Variants in CACNA2D3 observed in about 807,000 individuals in gnomAD.
CACNA2D3 encodes calcium voltage-gated channel auxiliary subunit alpha2delta 3, also known as voltage-dependent calcium channel subunit alpha-2/delta-3.
CACNA2D3 carries 60 observed loss-of-function variants against 160.6 expected under a neutral mutation model. That is an observed-to-expected ratio of 0.37 (90% confidence interval 0.30 to 0.46). The LOEUF is 0.46. Ranked by LOEUF, CACNA2D3 falls within the 20% of genes least tolerant of loss-of-function variation. CACNA2D3 has a pLI of 1.00. For synonymous variants in CACNA2D3, 558 were observed against 492.9 expected (o/e 1.13, Z -1.75); for missense variants, 1,205 against 1,365.0 (o/e 0.88, Z 1.85).
At chr3:54,280,908 A>G (rs1193162118) in intron 2 of CACNA2D3, among the ~76,000 whole-genome samples, 1 of 152,104 alleles carries the variant, frequency 6.6e-6, no homozygotes, top group Admixed American at 6.5e-5. Flanking sequence ...CACACACTCC[A>G]TACTTCCCTT....
rs78008535 is a variant in CACNA2D3, at chr3:54,132,287, C to A, written c.204+8693C>A. On this transcript the variant is annotated intron_variant, in intron 2 of 37. Coordinates refer to ENST00000474759, the MANE Select transcript of CACNA2D3 (RefSeq NM_018398.3). ...TCATTTGCTTTTATAATACGAAATT[C>A]GCACACCAACTCAGACAACACACTT... is the stretch of plus-strand genomic sequence containing the variant. Among the ~76,000 whole-genome samples, 763 of 152,314 alleles carry A rather than the reference C, an allele frequency of 5.0e-3. 41 individuals are homozygous for A. In the East Asian group the frequency reaches 0.12, roughly 23 times the overall value.
At chr3:54,955,123 T>A (rs1214425003) in intron 27 of CACNA2D3, among the ~76,000 whole-genome samples, 1 of 152,100 alleles carries the variant, frequency 6.6e-6, no homozygotes, top group Non-Finnish European at 1.5e-5. Context: ...TGGGGAATCG[T>A]AGGAGAATGA....
chr3:54,391,221 A>C (rs991167223), intron 4 of CACNA2D3, among the ~76,000 whole-genome samples: 4 of 152,238 alleles, frequency 2.6e-5, no homozygotes, highest in African/African-American at 9.6e-5. Context: ...AAAGAAAGTT[A>C]CAACTCCTTT....
At chr3:54,473,481 G>A (rs958416872) in intron 4 of CACNA2D3, among the ~76,000 whole-genome samples, 13 of 151,968 alleles carry the variant, frequency 8.6e-5, no homozygotes, top group Admixed American at 3.3e-4. Flanking sequence ...GGGCAAAGAC[G>A]TCATGACTAA....
chr3:54,139,378 C>T (rs774705186), intron 2 of CACNA2D3, among the ~76,000 whole-genome samples: 2 of 152,246 alleles, frequency 1.3e-5, no homozygotes, highest in African/African-American at 2.4e-5. Flanking sequence ...CGCCTGCCCA[C>T]GCTCTGCAGA....
At chr3:54,668,680 G>A (rs568151309) in intron 11 of CACNA2D3, among the ~76,000 whole-genome samples, 10 of 152,340 alleles carry the variant, frequency 6.6e-5, no homozygotes, top group Admixed American at 1.3e-4. Context: ...TGCCGTAGTG[G>A]TAGATGGGTT....
chr3:54,581,563 T>G (rs1227639314), intron 8 of CACNA2D3, among the ~76,000 whole-genome samples: 1 of 152,168 alleles, frequency 6.6e-6, no homozygotes, highest in Non-Finnish European at 1.5e-5. Context: ...CCCTGAACCC[T>G]GCCAGCTACC....
chr3:54,603,726 C>G (rs138513865), intron 9 of CACNA2D3, among the ~76,000 whole-genome samples: 10 of 152,102 alleles, frequency 6.6e-5, no homozygotes, highest in African/African-American at 1.9e-4. Flanking sequence ...TTAAAAAGCC[C>G]GACAATTTCT....
chr3:54,267,196 C>A (rs1260373458), intron 2 of CACNA2D3, among the ~76,000 whole-genome samples: 1 of 152,126 alleles, frequency 6.6e-6, no homozygotes, highest in African/African-American at 2.4e-5. Flanking sequence ...TTTGTGTACT[C>A]ATTTGTACTC....
At position 54,975,683 on chromosome 3, in the gene CACNA2D3, T is replaced by C. The variant is rs576886910; in HGVS notation, c.2556+5839T>C. Reference sequence around the variant, plus strand: ...CAATCTTACCAAAATGAGTGGTTCATTAAGTATATTTTTAGACTCTAGCCT... The same window carrying C: ...CAATCTTACCAAAATGAGTGGTTCACTAAGTATATTTTTAGACTCTAGCCT... On this transcript the variant is annotated intron_variant, in intron 29 of 37. Transcript: ENST00000474759. 3.5e-3 allele frequency among the ~76,000 whole-genome samples: 538 copies of C among 152,302 alleles called. 2 individuals carry two copies. The highest frequency in any genetic ancestry group is 4.9e-3 in the Non-Finnish European group (330 of 68,028).
At chr3:54,230,710 T>C (rs1360998050) in intron 2 of CACNA2D3, among the ~76,000 whole-genome samples, 2 of 152,230 alleles carry the variant, frequency 1.3e-5, no homozygotes, top group Non-Finnish European at 2.9e-5. Context: ...CACAGTCTTA[T>C]AAAATTCCTT....
chr3:54,857,300 G>T, intron 17 of CACNA2D3, among the ~76,000 whole-genome samples: 1 of 152,168 alleles, frequency 6.6e-6, no homozygotes, highest in Non-Finnish European at 1.5e-5. Context: ...TGAAGTCGTT[G>T]CTGGTACTGC....
chr3:54,760,919 G>A (rs1046560142), intron 12 of CACNA2D3, among the ~76,000 whole-genome samples: 2 of 152,080 alleles, frequency 1.3e-5, no homozygotes, highest in Non-Finnish European at 2.9e-5. Context: ...CCCTGTGGAG[G>A]TGTCGGGTAT....
intron 31 of CACNA2D3, among the ~76,000 whole-genome samples, chr3:55,003,687 G>C (rs942752973): frequency 6.6e-6 from 1 of 152,196 alleles, no homozygotes; most frequent in African/African-American, 2.4e-5. Context: ...AATGGAAATT[G>C]AATGGGATGG....
intron 4 of CACNA2D3, among the ~76,000 whole-genome samples, chr3:54,445,812 C>T (rs1156840935): frequency 6.6e-6 from 1 of 152,166 alleles, no homozygotes; most frequent in Non-Finnish European, 1.5e-5. Context: ...CAGTTCTGTG[C>T]TTATGCGGTT....
chr3:54,534,710 C>G (rs1701860307), intron 5 of CACNA2D3, among the ~76,000 whole-genome samples: 1 of 151,976 alleles, frequency 6.6e-6, no homozygotes, highest in Non-Finnish European at 1.5e-5. Context: ...ATTGCTTGAG[C>G]CCAGGAGTTA....
At chr3:54,667,947 CAA>C (rs35673145) in intron 11 of CACNA2D3, among the ~76,000 whole-genome samples, 103,743 of 143,684 alleles carry the variant, frequency 0.72, 40,765 homozygotes, top group Non-Finnish European at 0.88. Context: ...ACCCCCATCT[CAA>C]AAAAAAAAAA....
At position 55,015,106 on chromosome 3, in the gene CACNA2D3, T is replaced by C. The variant is rs1437997674; in HGVS notation, c.2876-3100T>C. 4.6e-5 allele frequency among the ~76,000 whole-genome samples: 7 copies of C among 152,314 alleles called. No individual in the cohort carries two copies. In the East Asian group the frequency reaches 9.7e-4, roughly 21 times the overall value. Reference sequence around the variant, plus strand: ...AGTATTGGACTCATTCCATTGTAACTGGGCCCAGACAATTAGAATTAGAGA... The same window carrying C: ...AGTATTGGACTCATTCCATTGTAACCGGGCCCAGACAATTAGAATTAGAGA... On this transcript the variant is annotated intron_variant, in intron 34 of 37. Transcript: ENST00000474759.
chr3:54,991,794 A>T (rs1044100113), intron 31 of CACNA2D3, among the ~76,000 whole-genome samples: 11 of 152,174 alleles, frequency 7.2e-5, no homozygotes, highest in Non-Finnish European at 1.3e-4. Context: ...TCATTACCAA[A>T]ATAGGGATCT....
Sources: gnomAD v4.1 joint callset for allele counts (sites outside exome capture counted in the v4.1 genomes callset) on GRCh38, gnomAD v4.1.1 for gene constraint, MANE v1.5 for transcripts, NCBI Gene and HGNC (gene_info 2026-07-23, HGNC 2026-07-21) for gene names.